Variants in RHOU observed in about 807,000 individuals in gnomAD.
The protein encoded by RHOU is ras homolog family member U.
In RHOU, 8 loss-of-function variants were observed where a neutral mutation model predicts 12.6. The observed-to-expected ratio is 0.64, with a 90% CI of 0.37 to 1.15. RHOU has a LOEUF of 1.15. Ranked by LOEUF, RHOU falls within the 50% of genes most tolerant of loss-of-function variation. The probability of loss-of-function intolerance (pLI) is 0.01; values close to 1 mark genes in which losing one functional copy is unlikely to be tolerated. For missense variants in RHOU, 258 were observed against 347.0 expected, an observed-to-expected ratio of 0.74 and a Z score of 2.04; for synonymous variants, 161 against 147.4, an observed-to-expected ratio of 1.09 and a Z score of -0.67.
chr1:228,734,438 C>G (rs1401228794), upstream of RHOU, among the ~76,000 whole-genome samples: 2 of 152,152 alleles, frequency 1.3e-5, no homozygotes, highest in African/African-American at 4.8e-5. Context: ...GGTTTGGATC[C>G]TGGCATTGCC....
chr1:228,650,390 T>C, the RHOU span: 1 of 458,208 alleles, frequency 2.2e-6, no homozygotes, highest in Non-Finnish European at 4.4e-6. Context: ...CTCTATTCAC[T>C]GGTGTGCGCC....
the RHOU span, among the ~76,000 whole-genome samples, chr1:228,724,324 C>A: frequency 6.6e-6 from 1 of 152,142 alleles, no homozygotes; most frequent in Non-Finnish European, 1.5e-5. Flanking sequence ...TGTTCCCCCC[C>A]AGATTTATTC....
chr1:228,655,806 T>C, the RHOU span, among the ~76,000 whole-genome samples: 1 of 152,170 alleles, frequency 6.6e-6, no homozygotes, highest in South Asian at 2.1e-4. Flanking sequence ...AGAAACAAAA[T>C]GAAGTCACTG....
At chr1:228,676,364 G>C in the RHOU span, among the ~76,000 whole-genome samples, 1 of 152,026 alleles carries the variant, frequency 6.6e-6, no homozygotes, top group African/African-American at 2.4e-5. Context: ...TTGTTTGTTT[G>C]TTTTTGCCCA....
chr1:228,727,580 C>T, the RHOU span, among the ~76,000 whole-genome samples: 1 of 152,322 alleles, frequency 6.6e-6, no homozygotes, highest in African/African-American at 2.4e-5. Flanking sequence ...TCCATACATT[C>T]ATTCTGAGTC....
the RHOU span, among the ~76,000 whole-genome samples, chr1:228,657,279 C>CAAAAAAAAAAAAAAAAAAAAAAAAA: frequency 3.6e-5 from 1 of 28,032 alleles, no homozygotes; most frequent in Non-Finnish European, 6.2e-5. Flanking sequence ...AACTCCATCT[C>CAAAAAAAAAAAAAAAAAAAAAAAAA]AAAAAAAAAA....
chr1:228,735,956 A>G lies in RHOU; in HGVS notation c.214A>G (p.Asn72Asp). Residue 72 changes from asparagine to aspartate, a missense_variant, in exon 1 of 3, where the codon AAC becomes GAC. Physicochemically the swap from Asn to Asp is conservative, Grantham distance 23. Coordinates refer to ENST00000366691, the MANE Select transcript of RHOU (RefSeq NM_021205.6). This position sits in a 1 kb window ranked among gnomAD's most constrained non-coding sequence, Gnocchi z 8.1. Reference sequence around the variant, plus strand: ...GAGCCTGGTGGTGAGCTACACCACCAACGGCTACCCCACCGAGTACATCCC... The same window carrying G: ...GAGCCTGGTGGTGAGCTACACCACCGACGGCTACCCCACCGAGTACATCCC... ...KTSLVVSYTTNGYPTEYIPTA... is the reference protein window; with the variant it reads ...KTSLVVSYTTDGYPTEYIPTA... The G allele has an allele frequency of 6.3e-7, 1 of 1,582,414 alleles. No homozygotes were observed. Among genetic ancestry groups the G allele is most frequent in the Non-Finnish European group, 8.6e-7 (1 of 1,168,414 alleles).
At chr1:228,734,672 C>CTTGTGTA (rs1321695396), upstream of RHOU, among the ~76,000 whole-genome samples, 2 of 152,134 alleles carry the variant, frequency 1.3e-5, no homozygotes, top group African/African-American at 4.8e-5. Context: ...GCTGTACACC[C>CTTGTGTA]CCAGGACTCT....
chr1:228,729,377 C>T, the RHOU span, among the ~76,000 whole-genome samples: 1 of 152,114 alleles, frequency 6.6e-6, no homozygotes, highest in Non-Finnish European at 1.5e-5. Context: ...CTGTTTTAGA[C>T]ATTTATATGG....
At chr1:228,680,178 T>A in the RHOU span, among the ~76,000 whole-genome samples, 1 of 152,118 alleles carries the variant, frequency 6.6e-6, no homozygotes, top group Non-Finnish European at 1.5e-5. Flanking sequence ...ACCCAAAGCA[T>A]CTGTGATGGT....
At chr1:228,657,664 T>A in the RHOU span, among the ~76,000 whole-genome samples, 1 of 152,078 alleles carries the variant, frequency 6.6e-6, no homozygotes, top group Non-Finnish European at 1.5e-5. Context: ...AACAACACAA[T>A]AAATCAGCTA....
the RHOU span, among the ~76,000 whole-genome samples, chr1:228,696,149 G>C: frequency 6.6e-6 from 1 of 151,914 alleles, no homozygotes; most frequent in Non-Finnish European, 1.5e-5. Flanking sequence ...AGTTTTGTTA[G>C]AATTTGGATA....
chr1:228,694,151 C>T, the RHOU span, among the ~76,000 whole-genome samples: 7 of 152,144 alleles, frequency 4.6e-5, no homozygotes, highest in African/African-American at 1.7e-4. Flanking sequence ...AATATTATTT[C>T]TTTGTAGCTA....
the RHOU span, among the ~76,000 whole-genome samples, chr1:228,715,732 T>C: frequency 6.6e-6 from 1 of 152,124 alleles, no homozygotes; most frequent in Non-Finnish European, 1.5e-5. Context: ...GTTCACTAGC[T>C]CTGTCTTATT....
chr1:228,735,951 C>T lies in RHOU; in HGVS notation c.209C>T (p.Thr70Ile), dbSNP rs1662598082. The T allele has an allele frequency of 6.3e-7, 1 of 1,582,224 alleles. No individual in the cohort carries two copies. Among genetic ancestry groups the T allele is most frequent in the Non-Finnish European group, 8.6e-7 (1 of 1,167,966 alleles). ...VGKTSLVVSY[T>I]TNGYPTEYIP... Reference sequence around the variant, plus strand: ...AAGACGAGCCTGGTGGTGAGCTACACCACCAACGGCTACCCCACCGAGTAC... The same window carrying T: ...AAGACGAGCCTGGTGGTGAGCTACATCACCAACGGCTACCCCACCGAGTAC... The change falls in exon 1 of 3, where the codon ACC becomes ATC. Residue 70 changes from threonine (T) to isoleucine (I), a missense_variant. Physicochemically the swap from Thr to Ile is moderately conservative, Grantham distance 89. Transcript: ENST00000366691. This position sits in a 1 kb window ranked among gnomAD's most constrained non-coding sequence, Gnocchi z 8.1.
chr1:228,712,828 T>TA, the RHOU span, among the ~76,000 whole-genome samples: 95 of 119,160 alleles, frequency 8.0e-4, 1 homozygote, highest in East Asian at 2.7e-3. Context: ...AATAAATAAA[T>TA]AAATAAAATA....
the RHOU span, among the ~76,000 whole-genome samples, chr1:228,725,587 G>T: frequency 6.6e-6 from 1 of 152,190 alleles, no homozygotes; most frequent in African/African-American, 2.4e-5. Context: ...GCTGAGCACC[G>T]TGGGCAGAAC....
At chr1:228,736,030 G>C in intron 1 of RHOU, 26 bp downstream of exon 1, 2 of 1,563,044 alleles carry the variant, frequency 1.3e-6, no homozygotes, top group Non-Finnish European at 1.7e-6. Context: ...GGCCGGGGCC[G>C]GGGGCGCGTG....
chr1:228,732,162 C>T (rs896447570), upstream of RHOU, among the ~76,000 whole-genome samples: 11 of 152,112 alleles, frequency 7.2e-5, no homozygotes, highest in South Asian at 2.1e-4. Flanking sequence ...CTTTCACTTA[C>T]GTATTTACCA....
Sources: gnomAD v4.1 joint callset for allele counts (sites outside exome capture counted in the v4.1 genomes callset) on GRCh38, gnomAD v4.1.1 for gene constraint, Gnocchi (gnomAD v3.1) non-coding constraint, MANE v1.5 for transcripts, NCBI Gene and HGNC (gene_info 2026-07-23, HGNC 2026-07-21) for gene names.